Variants in ZNG1E observed in about 807,000 individuals in gnomAD.
ZNG1E encodes zinc-regulated GTPase metalloprotein activator 1E.
At chr9:65,702,185 AT>A in the ZNG1E span, among the ~76,000 whole-genome samples, 1 of 150,980 alleles carries the variant, frequency 6.6e-6, no homozygotes, top group Non-Finnish European at 1.5e-5. Context: ...TTGCCTCAGA[AT>A]CATTATATGT....
At chr9:65,655,456 TTTG>T in the ZNG1E span, among the ~76,000 whole-genome samples, 11 of 151,546 alleles carry the variant, frequency 7.3e-5, no homozygotes, top group South Asian at 8.3e-4. Context: ...CTATAAGGGT[TTTG>T]TTGTTGTTGT....
the ZNG1E span, among the ~76,000 whole-genome samples, chr9:65,680,017 G>A: frequency 6.6e-6 from 1 of 152,270 alleles, no homozygotes; most frequent in African/African-American, 2.4e-5. Flanking sequence ...TAAACATATG[G>A]TCTTTATCCT....
chr9:65,684,909 G>A, the ZNG1E span, among the ~76,000 whole-genome samples: 2 of 152,274 alleles, frequency 1.3e-5, no homozygotes, highest in East Asian at 3.9e-4. Flanking sequence ...ATGCGTTTTG[G>A]CCGGGTGTGA....
the ZNG1E span, among the ~76,000 whole-genome samples, chr9:65,678,055 G>A: frequency 6.7e-6 from 1 of 148,520 alleles, no homozygotes; most frequent in Non-Finnish European, 1.5e-5. Flanking sequence ...AATCTGTAAC[G>A]TATTAGAAAC....
chr9:65,656,752 C>T, the ZNG1E span, among the ~76,000 whole-genome samples: 4 of 152,270 alleles, frequency 2.6e-5, no homozygotes, highest in Non-Finnish European at 5.9e-5. Flanking sequence ...TATAAGCTAA[C>T]AGAACCCCAT....
the ZNG1E span, among the ~76,000 whole-genome samples, chr9:65,710,516 T>C: frequency 6.6e-6 from 1 of 151,966 alleles, no homozygotes; most frequent in South Asian, 2.1e-4. Flanking sequence ...TAATCCATCT[T>C]GAATTGATTT....
chr9:65,660,669 G>A, the ZNG1E span, among the ~76,000 whole-genome samples: 1 of 151,330 alleles, frequency 6.6e-6, no homozygotes. Flanking sequence ...AGCTATTGTG[G>A]TGTGATTCAA....
At chr9:65,709,309 T>TTTTTTTA in the ZNG1E span, among the ~76,000 whole-genome samples, 1 of 151,300 alleles carries the variant, frequency 6.6e-6, no homozygotes, top group Non-Finnish European at 1.5e-5. Flanking sequence ...CTTCACTTTA[T>TTTTTTTA]TTTTTTATTT....
At chr9:65,691,130 T>G in the ZNG1E span, 1 of 1,424,672 alleles carries the variant, frequency 7.0e-7, no homozygotes, top group African/African-American at 1.5e-5. Flanking sequence ...CTGGAGTGCA[T>G]GGAGTGCAGT....
the ZNG1E span, chr9:65,704,541 C>A: frequency 1.4e-6 from 1 of 735,320 alleles, no homozygotes. Flanking sequence ...AGAATTCTTA[C>A]TATTGGGTCC....
the ZNG1E span, among the ~76,000 whole-genome samples, chr9:65,657,210 C>T: frequency 6.6e-6 from 1 of 152,058 alleles, no homozygotes; most frequent in Non-Finnish European, 1.5e-5. Flanking sequence ...AACAATCCCA[C>T]TGCTAGATAT....
chr9:65,679,999 A>G, the ZNG1E span, among the ~76,000 whole-genome samples: 5 of 152,282 alleles, frequency 3.3e-5, no homozygotes, highest in African/African-American at 1.2e-4. Flanking sequence ...AATATTTTAA[A>G]AAGAAGGTAA....
chr9:65,711,279 T>C, the ZNG1E span, among the ~76,000 whole-genome samples: 17 of 126,252 alleles, frequency 1.3e-4, no homozygotes, highest in Non-Finnish European at 2.1e-4. Flanking sequence ...TTTCTAGATA[T>C]ACAATCATGT....
At chr9:65,667,166 A>G in the ZNG1E span, among the ~76,000 whole-genome samples, 1 of 152,248 alleles carries the variant, frequency 6.6e-6, no homozygotes, top group African/African-American at 2.4e-5. Context: ...GCTATACTTT[A>G]GGCACAAACC....
the ZNG1E span, among the ~76,000 whole-genome samples, chr9:65,714,622 G>A: frequency 6.6e-6 from 1 of 152,108 alleles, no homozygotes; most frequent in Non-Finnish European, 1.5e-5. Context: ...TTCAGCTGCA[G>A]GTCTGTTGGA....
the ZNG1E span, among the ~76,000 whole-genome samples, chr9:65,710,015 G>A: frequency 6.8e-6 from 1 of 147,232 alleles, no homozygotes; most frequent in African/African-American, 2.6e-5. Context: ...TCCAGCACGT[G>A]TTGTTTCCTG....
the ZNG1E span, among the ~76,000 whole-genome samples, chr9:65,671,761 T>G: frequency 6.7e-6 from 1 of 148,936 alleles, no homozygotes; most frequent in African/African-American, 2.5e-5. Flanking sequence ...TTGGGACCTG[T>G]TTTTTAAAGT....
the ZNG1E span, among the ~76,000 whole-genome samples, chr9:65,697,479 A>G: frequency 2.9e-4 from 26 of 88,866 alleles, no homozygotes; most frequent in African/African-American, 8.2e-4. Flanking sequence ...GAAAATAGCC[A>G]TCTCCCATAA....
chr9:65,691,542 T>C, the ZNG1E span, among the ~76,000 whole-genome samples: 1 of 152,250 alleles, frequency 6.6e-6, no homozygotes, highest in Non-Finnish European at 1.5e-5. Flanking sequence ...GAACTCGATG[T>C]CACTCAACTT....
Sources: gnomAD v4.1 joint callset for allele counts (sites outside exome capture counted in the v4.1 genomes callset) on GRCh38, gnomAD v4.1.1 for gene constraint, MANE v1.5 for transcripts, NCBI Gene and HGNC (gene_info 2026-07-23, HGNC 2026-07-21) for gene names.